The following VAT1L variants were observed in gnomAD, a reference collection of about 807,000 sequenced individuals.
VAT1L encodes the protein putative NADPH-dependent quinone oxidoreductase VAT1L.
Under a neutral mutation model 44.1 loss-of-function variants are expected in VAT1L, and 34 were observed. The observed-to-expected ratio is 0.77, with a 90% CI of 0.59 to 1.03. The LOEUF is 1.03. Among genes scored for constraint, VAT1L ranks in the 50% least tolerant of loss-of-function variants. The pLI, the probability that VAT1L is intolerant of heterozygous loss-of-function variation, is 0.00. For missense variants in VAT1L, 615 were observed against 538.8 expected (o/e 1.14, Z -1.40); for synonymous variants, 253 against 202.2 (o/e 1.25, Z -2.13).
chr16:77,915,494 T>G (rs1359305388), intron 7 of VAT1L, among the ~76,000 whole-genome samples: 1 of 152,160 alleles, frequency 6.6e-6, no homozygotes, highest in African/African-American at 2.4e-5. Context: ...TATATGACAT[T>G]GTTTAGTGTA....
chr16:77,792,661 C>G (rs1445109534), intron 1 of VAT1L, among the ~76,000 whole-genome samples: 2 of 152,136 alleles, frequency 1.3e-5, no homozygotes, highest in East Asian at 1.9e-4. Context: ...AGGGATGACT[C>G]TGAGGCTTGA....
chr16:77,933,099 T>G (rs1195291614), intron 7 of VAT1L, among the ~76,000 whole-genome samples: 1 of 152,222 alleles, frequency 6.6e-6, no homozygotes, highest in Non-Finnish European at 1.5e-5. Flanking sequence ...TCTTTCCACC[T>G]CAGGACCCTA....
chr16:77,864,833 C>T (rs1268637509), intron 4 of VAT1L, among the ~76,000 whole-genome samples: 1 of 152,120 alleles, frequency 6.6e-6, no homozygotes. Flanking sequence ...ATAGTTCCAG[C>T]AGGATGTGAA....
intron 7 of VAT1L, among the ~76,000 whole-genome samples, chr16:77,909,959 G>C (rs192146546): frequency 6.6e-6 from 1 of 152,178 alleles, no homozygotes. Flanking sequence ...GAAGAATTCA[G>C]TTTGAAACCA....
intron 1 of VAT1L, among the ~76,000 whole-genome samples, chr16:77,795,703 T>C (rs2015917523): frequency 6.6e-6 from 1 of 152,110 alleles, no homozygotes; most frequent in Non-Finnish European, 1.5e-5. Flanking sequence ...AAGCTGCCTA[T>C]CCTTTGGAAA....
chr16:77,835,259 A>G (rs2145254686), intron 3 of VAT1L, among the ~76,000 whole-genome samples: 1 of 152,316 alleles, frequency 6.6e-6, no homozygotes, highest in Non-Finnish European at 1.5e-5. Flanking sequence ...GGGAGGAAAA[A>G]TCATTCCCAG....
At chr16:77,806,900 A>C (rs1022110463) in intron 1 of VAT1L, among the ~76,000 whole-genome samples, 11 of 152,120 alleles carry the variant, frequency 7.2e-5, no homozygotes, top group Non-Finnish European at 1.6e-4. Context: ...CCTTCCATGG[A>C]AAGCTGGGGT....
intron 3 of VAT1L, among the ~76,000 whole-genome samples, chr16:77,841,810 G>A (rs1388333412): frequency 6.6e-6 from 1 of 152,184 alleles, no homozygotes; most frequent in African/African-American, 2.4e-5. Context: ...GAAAAGCCTG[G>A]ATTTCACTTT....
chr16:77,929,605 G>C (rs1300126008), intron 7 of VAT1L, among the ~76,000 whole-genome samples: 1 of 152,138 alleles, frequency 6.6e-6, no homozygotes, highest in East Asian at 1.9e-4. Context: ...TCAGGACGGA[G>C]AGGGTGACAG....
intron 7 of VAT1L, among the ~76,000 whole-genome samples, chr16:77,912,333 G>C (rs1015467508): frequency 6.6e-6 from 1 of 152,168 alleles, no homozygotes; most frequent in Non-Finnish European, 1.5e-5. Flanking sequence ...TATAATATGA[G>C]TTCAATAAAC....
chr16:77,804,936 C>T (rs1385746876), intron 1 of VAT1L, among the ~76,000 whole-genome samples: 8 of 152,144 alleles, frequency 5.3e-5, no homozygotes, highest in Admixed American at 5.2e-4. Context: ...TGAATAAAAT[C>T]AGATGGGTCG....
intron 5 of VAT1L, among the ~76,000 whole-genome samples, chr16:77,878,291 A>G (rs1008032465): frequency 6.6e-6 from 1 of 152,218 alleles, no homozygotes; most frequent in Non-Finnish European, 1.5e-5. Flanking sequence ...TTAACTGGCT[A>G]CTAGTTTACC....
chr16:77,941,878 C>A (rs898426888), intron 7 of VAT1L, among the ~76,000 whole-genome samples: 3 of 152,142 alleles, frequency 2.0e-5, no homozygotes, highest in African/African-American at 7.2e-5. Context: ...CACAAACCAC[C>A]ACACCCAGCC....
chr16:77,952,329 A>C (rs973654486), intron 7 of VAT1L, among the ~76,000 whole-genome samples: 4 of 152,134 alleles, frequency 2.6e-5, no homozygotes, highest in Non-Finnish European at 5.9e-5. Flanking sequence ...GTAATCCCCA[A>C]CGTTGGAGAT....
intron 1 of VAT1L, chr16:77,800,257 T>C (rs2016021963): frequency 6.6e-6 from 1 of 152,176 alleles, no homozygotes; most frequent in Admixed American, 6.5e-5. Flanking sequence ...GCTCTGTAAT[T>C]TTCTCCTTGT....
chr16:77,846,606 C>G (rs1188062811), intron 3 of VAT1L, among the ~76,000 whole-genome samples: 1 of 152,174 alleles, frequency 6.6e-6, no homozygotes, highest in Non-Finnish European at 1.5e-5. Flanking sequence ...TGGACTTAGA[C>G]TCTGGCTTCT....
intron 3 of VAT1L, among the ~76,000 whole-genome samples, chr16:77,849,454 T>A (rs1284269247): frequency 1.3e-5 from 2 of 152,160 alleles, no homozygotes; most frequent in Non-Finnish European, 2.9e-5. Flanking sequence ...AGATAAGAGG[T>A]CACTGATGAC....
intron 1 of VAT1L, among the ~76,000 whole-genome samples, chr16:77,799,294 C>T (rs919028626): frequency 9.7e-4 from 144 of 148,966 alleles, no homozygotes; most frequent in Middle Eastern, 3.4e-3. Context: ...CTCTGTCTCT[C>T]TCCTTCCCTT....
At chr16:77,830,217 A>G (rs2016564520) in intron 3 of VAT1L, among the ~76,000 whole-genome samples, 1 of 152,214 alleles carries the variant, frequency 6.6e-6, no homozygotes, top group Non-Finnish European at 1.5e-5. Context: ...GCATCAAAGT[A>G]GCAAAATTTG....
Sources: gnomAD v4.1 joint callset for allele counts (sites outside exome capture counted in the v4.1 genomes callset) on GRCh38, gnomAD v4.1.1 for gene constraint, MANE v1.5 for transcripts, NCBI Gene and HGNC (gene_info 2026-07-23, HGNC 2026-07-21) for gene names.